ABTB3: variants seen among roughly 807,000 people sequenced by gnomAD.
ABTB3 encodes ankyrin repeat- and BTB/POZ domain-containing protein 3.
the ABTB3 span, among the ~76,000 whole-genome samples, chr12:107,655,505 A>C: frequency 1.3e-5 from 2 of 152,210 alleles, no homozygotes; most frequent in Non-Finnish European, 2.9e-5. Context: ...GGATTTGATT[A>C]CTGGCAGATT....
chr12:107,532,973 C>T, the ABTB3 span, among the ~76,000 whole-genome samples: 2 of 152,050 alleles, frequency 1.3e-5, 1 homozygote, highest in East Asian at 3.9e-4. Context: ...CCAGGACAAC[C>T]AAAAACTGAG....
At chr12:107,611,319 T>C in the ABTB3 span, among the ~76,000 whole-genome samples, 12 of 152,188 alleles carry the variant, frequency 7.9e-5, no homozygotes, top group Admixed American at 2.0e-4. Flanking sequence ...GAGCTGGGAC[T>C]ACAGGTGTGC....
chr12:107,631,056 T>C, the ABTB3 span, among the ~76,000 whole-genome samples: 1 of 152,134 alleles, frequency 6.6e-6, no homozygotes. Context: ...ATAGTGAACA[T>C]AGGGCCCAAT....
chr12:107,581,663 A>C, the ABTB3 span, among the ~76,000 whole-genome samples: 1 of 152,168 alleles, frequency 6.6e-6, no homozygotes, highest in African/African-American at 2.4e-5. Context: ...TTACAGAGTG[A>C]AATTTCTGGC....
chr12:107,618,343 G>T, the ABTB3 span: 1 of 1,613,494 alleles, frequency 6.2e-7, no homozygotes, highest in Non-Finnish European at 8.5e-7. Context: ...GCTGAGCATG[G>T]CTACGTGGAT....
At chr12:107,494,044 T>C in the ABTB3 span, among the ~76,000 whole-genome samples, 1 of 152,146 alleles carries the variant, frequency 6.6e-6, no homozygotes, top group Non-Finnish European at 1.5e-5. Flanking sequence ...TTCTTAGACC[T>C]AACAGCACTA....
At chr12:107,591,460 G>A in the ABTB3 span, among the ~76,000 whole-genome samples, 2 of 152,130 alleles carry the variant, frequency 1.3e-5, no homozygotes, top group East Asian at 3.9e-4. Flanking sequence ...CAAAGGGGGA[G>A]GGGCTACACA....
At chr12:107,425,579 G>A in the ABTB3 span, among the ~76,000 whole-genome samples, 2 of 152,146 alleles carry the variant, frequency 1.3e-5, no homozygotes, top group African/African-American at 2.4e-5. Context: ...ATTTTGCCTC[G>A]ATTAAACAAA....
chr12:107,479,569 G>C, the ABTB3 span, among the ~76,000 whole-genome samples: 152 of 152,182 alleles, frequency 1.0e-3, no homozygotes, highest in African/African-American at 3.2e-3. Context: ...ATTATTCCTA[G>C]TTTCCTTCTT....
At chr12:107,375,213 T>C in the ABTB3 span, among the ~76,000 whole-genome samples, 1 of 152,004 alleles carries the variant, frequency 6.6e-6, no homozygotes, top group Non-Finnish European at 1.5e-5. Flanking sequence ...ACCCAGAAAT[T>C]TGAGACCAGC....
At chr12:107,597,688 CAG>C in the ABTB3 span, among the ~76,000 whole-genome samples, 1 of 152,194 alleles carries the variant, frequency 6.6e-6, no homozygotes, top group South Asian at 2.1e-4. Flanking sequence ...GCTGCCATAA[CAG>C]AGTGATTCCA....
At chr12:107,443,913 C>T in the ABTB3 span, among the ~76,000 whole-genome samples, 1 of 152,176 alleles carries the variant, frequency 6.6e-6, no homozygotes, top group African/African-American at 2.4e-5. Flanking sequence ...GAGACAGACT[C>T]AAGACCAAAG....
chr12:107,472,872 T>C, the ABTB3 span, among the ~76,000 whole-genome samples: 4 of 152,244 alleles, frequency 2.6e-5, no homozygotes, highest in East Asian at 5.8e-4. Flanking sequence ...AGTGGGATCA[T>C]TAGAGGAAGT....
At chr12:107,526,637 G>GA in the ABTB3 span, among the ~76,000 whole-genome samples, 241 of 150,758 alleles carry the variant, frequency 1.6e-3, no homozygotes, top group African/African-American at 5.0e-3. Flanking sequence ...GTTGTTTAAA[G>GA]AAAAAAAAAT....
At chr12:107,513,730 T>C in the ABTB3 span, among the ~76,000 whole-genome samples, 1 of 152,114 alleles carries the variant, frequency 6.6e-6, no homozygotes, top group African/African-American at 2.4e-5. Context: ...TGAAAGGATG[T>C]CAGGGTGTTC....
At chr12:107,521,867 A>G in the ABTB3 span, among the ~76,000 whole-genome samples, 8 of 151,908 alleles carry the variant, frequency 5.3e-5, no homozygotes, top group African/African-American at 1.5e-4. Context: ...TACCTTCTCA[A>G]TGAAGCTTTC....
At chr12:107,474,211 T>C in the ABTB3 span, among the ~76,000 whole-genome samples, 5 of 152,196 alleles carry the variant, frequency 3.3e-5, no homozygotes, top group African/African-American at 9.7e-5. Flanking sequence ...TCCTCTGTAC[T>C]TGACATCCAG....
chr12:107,328,784 T>G, the ABTB3 span, among the ~76,000 whole-genome samples: 1 of 152,166 alleles, frequency 6.6e-6, no homozygotes, highest in Admixed American at 6.5e-5. Flanking sequence ...CGCAGCCCAG[T>G]GGTGAAATCT....
At chr12:107,380,717 T>C in the ABTB3 span, among the ~76,000 whole-genome samples, 6 of 152,158 alleles carry the variant, frequency 3.9e-5, no homozygotes, top group Non-Finnish European at 7.4e-5. Flanking sequence ...AACCCTGAGC[T>C]GAGCTGCCAT....
Sources: allele counts gnomAD v4.1 joint callset (sites outside exome capture counted in the v4.1 genomes callset), GRCh38; gene constraint gnomAD v4.1.1; transcripts MANE v1.5; gene names NCBI Gene and HGNC (gene_info 2026-07-23, HGNC 2026-07-21).